Variants in PREX2 observed in about 807,000 individuals in gnomAD.
PREX2 encodes phosphatidylinositol 3,4,5-trisphosphate-dependent Rac exchanger 2 protein.
PREX2 carries 107 observed loss-of-function variants against 203.2 expected under a neutral mutation model. That is an observed-to-expected ratio of 0.53 (90% CI 0.45 to 0.62). PREX2 has a LOEUF of 0.62. Ranked by LOEUF, PREX2 falls within the 20% of genes least tolerant of loss-of-function variation. The probability of loss-of-function intolerance (pLI) is 0.00; values close to 1 mark genes in which losing one functional copy is unlikely to be tolerated. For synonymous variants in PREX2, 672 were observed against 663.6 expected (o/e 1.01, Z -0.19); for missense variants, 1,777 against 1,955.9 (o/e 0.91, Z 1.72).
chr8:68,044,611 A>G, intron 8 of PREX2, 21 bp downstream of exon 8: 1 of 1,511,028 alleles, frequency 6.6e-7, no homozygotes, highest in Non-Finnish European at 9.2e-7. Context: ...TGTAGATTTT[A>G]AATGGGATGC....
At chr8:68,172,329 G>A (rs1019550708) in intron 35 of PREX2, among the ~76,000 whole-genome samples, 1 of 152,146 alleles carries the variant, frequency 6.6e-6, no homozygotes, top group South Asian at 2.1e-4. Flanking sequence ...CTTGCACAAA[G>A]TAAAACTAAA....
At chr8:68,090,742 T>G in intron 20 of PREX2, 27 bp downstream of exon 20, 1 of 1,600,304 alleles carries the variant, frequency 6.2e-7, no homozygotes, top group Non-Finnish European at 8.5e-7. Flanking sequence ...ATAATCTGGA[T>G]CTGAGTGACT....
At chr8:68,023,715 C>T (rs1041849961) in intron 4 of PREX2, among the ~76,000 whole-genome samples, 1 of 151,730 alleles carries the variant, frequency 6.6e-6, no homozygotes, top group African/African-American at 2.4e-5. Flanking sequence ...ACTTTTTATT[C>T]CTTTGTTTTC....
intron 38 of PREX2, 132 bp from the exon 39 acceptor site, chr8:68,224,427 G>A (rs1813016326): frequency 1.4e-6 from 1 of 700,132 alleles, no homozygotes; most frequent in Admixed American, 2.4e-5. Context: ...AGCGATGTCT[G>A]TCTTTCTCTT....
chr8:68,022,066 T>C lies in PREX2; in HGVS notation c.367T>C (p.Cys123Arg). The C allele has an allele frequency of 6.5e-7, 1 of 1,538,602 alleles. No individual in the cohort carries two copies. ...CAAGTTTCGTATCTATGATGAATAT[T>C]GTAGTAACCATGAGAAGGCACAAAA... ...KDKFRIYDEY[C>R]SNHEKAQKLL... Residue 123 changes from cysteine to arginine, a missense_variant, in exon 4 of 40, where the codon TGT (cysteine) becomes CGT (arginine). Cys to Arg is a radical substitution (Grantham distance 180). Coordinates refer to ENST00000288368, the MANE Select transcript of PREX2 (RefSeq NM_024870.4).
chr8:67,992,697 T>C (rs1003126751), intron 1 of PREX2, among the ~76,000 whole-genome samples: 5 of 152,206 alleles, frequency 3.3e-5, no homozygotes, highest in Admixed American at 2.6e-4. Context: ...GATCTGAATA[T>C]TGGCACTGTG....
Position 68,087,789 on chromosome 8 carries a change from T to C in PREX2, c.2093T>C (p.Val698Ala). 6.2e-7 allele frequency: 1 copy of C among 1,613,398 alleles called. No individual in the cohort carries two copies. The highest frequency in any genetic ancestry group is 8.5e-7 in the Non-Finnish European group (1 of 1,179,398). Residue 698 changes from valine to alanine, a missense_variant, in exon 19 of 40, where the codon GTT (valine) becomes GCT (alanine). Coordinates refer to ENST00000288368, the MANE Select transcript of PREX2 (RefSeq NM_024870.4). ...CAGATCCGGGGATTTGGCCCTTCTG[T>C]TGTGCATGCTGTAGGAAGAGGTAGG... is the stretch of plus-strand genomic sequence containing the variant. ...GFQIRGFGPS[V>A]VHAVGRGTVA...
intron 1 of PREX2, among the ~76,000 whole-genome samples, chr8:67,962,934 A>G (rs1465018620): frequency 1.3e-5 from 2 of 152,120 alleles, no homozygotes; most frequent in African/African-American, 4.8e-5. Context: ...TATATTTACA[A>G]AATGTATTTT....
intron 1 of PREX2, among the ~76,000 whole-genome samples, chr8:67,959,840 G>T (rs1193504508): frequency 1.7e-4 from 26 of 152,098 alleles, no homozygotes; most frequent in Non-Finnish European, 1.2e-4. Flanking sequence ...CACAGAATCT[G>T]ATGAACTGGT....
At chr8:68,005,616 C>T (rs753030289) in intron 1 of PREX2, among the ~76,000 whole-genome samples, 1 of 152,200 alleles carries the variant, frequency 6.6e-6, no homozygotes, top group Non-Finnish European at 1.5e-5. Context: ...CATTTGTCCA[C>T]AGATCCTTCC....
chr8:68,145,398 A>G (rs1012953757), intron 33 of PREX2, among the ~76,000 whole-genome samples: 9 of 152,190 alleles, frequency 5.9e-5, no homozygotes, highest in African/African-American at 1.9e-4. Context: ...CTACTTTTAT[A>G]TACAGTTTTA....
rs761063063 is a variant in PREX2 at position 68,233,673 on chromosome 8, ATCC to A, written c.*2298_*2300del. 1.3e-5 allele frequency: 2 copies of A among 152,148 alleles called. No individual in the cohort carries two copies. Among genetic ancestry groups the A allele is most frequent in the Non-Finnish European group, 2.9e-5 (2 of 68,026 alleles). The allele number at this position is 152,148 out of a possible 1,614,324, so 9.4% of individuals were successfully genotyped here. On this transcript the variant is annotated 3_prime_UTR_variant, in exon 40 of 40. Coordinates refer to ENST00000288368, the MANE Select transcript of PREX2 (RefSeq NM_024870.4). The stretch of plus-strand genomic sequence containing the variant: ...TATTCTGTTGTTATTGCTTCACTTA[ATCC>A]TCATAATAATGACGTGACATGGTAC...
At chr8:68,144,757 T>A (rs1246429522) in intron 33 of PREX2, among the ~76,000 whole-genome samples, 1 of 152,110 alleles carries the variant, frequency 6.6e-6, no homozygotes, top group African/African-American at 2.4e-5. Context: ...GATCACTTGA[T>A]CCCAGGAGTT....
chr8:68,061,239 C>G (rs2129611349), intron 11 of PREX2, among the ~76,000 whole-genome samples: 1 of 152,316 alleles, frequency 6.6e-6, no homozygotes, highest in South Asian at 2.1e-4. Flanking sequence ...GGCACAGAGC[C>G]TCACGTGGGT....
intron 36 of PREX2, 22 bp from the exon 37 acceptor site, chr8:68,192,313 G>T (rs781111736): frequency 1.3e-6 from 2 of 1,559,846 alleles, no homozygotes; most frequent in Admixed American, 1.9e-5. Context: ...TGAACTTGAC[G>T]TTCATCACTT....
intron 26 of PREX2, 129 bp downstream of exon 26, chr8:68,116,061 T>TA: frequency 1.4e-6 from 1 of 730,796 alleles, no homozygotes; most frequent in Non-Finnish European, 2.2e-6. Flanking sequence ...AATCACCTGT[T>TA]ACTACCGACC....
intron 37 of PREX2, among the ~76,000 whole-genome samples, chr8:68,201,261 G>T (rs934508949): frequency 1.3e-5 from 2 of 152,092 alleles, no homozygotes; most frequent in Admixed American, 6.5e-5. Context: ...CGATGTAAAT[G>T]ATTCTCTTTT....
At chr8:67,971,424 T>G (rs1398945447) in intron 1 of PREX2, among the ~76,000 whole-genome samples, 2 of 152,152 alleles carry the variant, frequency 1.3e-5, no homozygotes, top group Non-Finnish European at 2.9e-5. Context: ...AGAATTGCTA[T>G]TTTTAAAAAG....
Position 68,087,790 on chromosome 8 carries a change from TG to T in PREX2, c.2095del (p.Val699CysfsTer4). The T allele has an allele frequency of 6.2e-7, 1 of 1,613,460 alleles. No homozygotes were observed. Among genetic ancestry groups the T allele is most frequent in the Non-Finnish European group, 8.5e-7 (1 of 1,179,430 alleles). ...AGATCCGGGGATTTGGCCCTTCTGTTGTGCATGCTGTAGGAAGAGGTAGGAA... is the reference window on the plus strand; with the variant it reads ...AGATCCGGGGATTTGGCCCTTCTGTTTGCATGCTGTAGGAAGAGGTAGGAA... ...FQIRGFGPSV[V>X]HAVGRGTVAA... On this transcript the variant is annotated frameshift_variant, in exon 19 of 40. Coordinates refer to ENST00000288368, the MANE Select transcript of PREX2 (RefSeq NM_024870.4). LOFTEE classifies it high-confidence loss of function.
Sources: gnomAD v4.1 joint callset for allele counts (sites outside exome capture counted in the v4.1 genomes callset) on GRCh38, gnomAD v4.1.1 for gene constraint, MANE v1.5 for transcripts, NCBI Gene and HGNC (gene_info 2026-07-23, HGNC 2026-07-21) for gene names.